TYW1B: variants seen among roughly 807,000 people sequenced by gnomAD.
TYW1B encodes the protein S-adenosyl-L-methionine-dependent tRNA 4-demethylwyosine synthase TYW1B.
TYW1B carries 73 observed loss-of-function variants against 86.9 expected under a neutral mutation model. That is an observed-to-expected ratio of 0.84 (90% confidence interval 0.70 to 1.02). The LOEUF is 1.02. Ranked by LOEUF, TYW1B falls within the 50% of genes least tolerant of loss-of-function variation. The pLI, the probability that TYW1B is intolerant of heterozygous loss-of-function variation, is 0.00. For synonymous variants in TYW1B, 248 were observed against 292.8 expected, an observed-to-expected ratio of 0.85 and a Z score of 1.56; for missense variants, 637 against 827.4, an observed-to-expected ratio of 0.77 and a Z score of 2.82.
At chr7:72,695,258 G>T (rs1814288351) in intron 10 of TYW1B, among the ~76,000 whole-genome samples, 1 of 152,032 alleles carries the variant, frequency 6.6e-6, no homozygotes, top group Admixed American at 6.6e-5. Context: ...GTCTTCTAAG[G>T]AACAAGAAAC....
At chr7:72,693,274 C>A (rs530872428) in intron 11 of TYW1B, among the ~76,000 whole-genome samples, 1 of 152,066 alleles carries the variant, frequency 6.6e-6, no homozygotes, top group Non-Finnish European at 1.5e-5. Context: ...TATGAAAACA[C>A]ACAAGAAAGG....
chr7:72,714,581 C>T (rs868988879), intron 9 of TYW1B, among the ~76,000 whole-genome samples: 2 of 151,820 alleles, frequency 1.3e-5, no homozygotes, highest in Non-Finnish European at 2.9e-5. Context: ...CACTATCATG[C>T]CACTGCACTC....
At chr7:72,678,287 G>A (rs1813783290) in intron 11 of TYW1B, among the ~76,000 whole-genome samples, 1 of 152,144 alleles carries the variant, frequency 6.6e-6, no homozygotes, top group Non-Finnish European at 1.5e-5. Flanking sequence ...GTGCTGCTGA[G>A]GAGGGATATT....
At chr7:72,705,368 G>A (rs1173714292) in intron 10 of TYW1B, among the ~76,000 whole-genome samples, 1 of 152,200 alleles carries the variant, frequency 6.6e-6, no homozygotes, top group Admixed American at 6.6e-5. Context: ...AAGCAGCAGA[G>A]GAAAGAGAAT....
chr7:72,665,160 C>T (rs187865192), intron 11 of TYW1B, among the ~76,000 whole-genome samples: 12 of 147,886 alleles, frequency 8.1e-5, no homozygotes, highest in Admixed American at 4.7e-4. Context: ...TTCTGTCTAA[C>T]AAGATGTAAA....
chr7:72,576,993 G>A (rs765941484), intron 13 of TYW1B, among the ~76,000 whole-genome samples: 2 of 152,014 alleles, frequency 1.3e-5, no homozygotes, highest in African/African-American at 4.8e-5. Flanking sequence ...CAGGCGTGGT[G>A]GTGTGTGCAT....
At chr7:72,735,866 T>TAA (rs35564711) in intron 8 of TYW1B, among the ~76,000 whole-genome samples, 133 of 144,178 alleles carry the variant, frequency 9.2e-4, no homozygotes, top group Middle Eastern at 7.2e-3. Context: ...CGAGACTGTC[T>TAA]AAAAAAAAAA....
intron 12 of TYW1B, among the ~76,000 whole-genome samples, chr7:72,623,707 T>C (rs1812279136): frequency 6.6e-6 from 1 of 152,224 alleles, no homozygotes; most frequent in Admixed American, 6.5e-5. Flanking sequence ...TTCTAAGTGT[T>C]AATCCTTAGA....
chr7:72,748,432 A>G (rs1787433801), intron 7 of TYW1B, among the ~76,000 whole-genome samples: 1 of 151,424 alleles, frequency 6.6e-6, no homozygotes. Context: ...TGCCTTTGCA[A>G]CCTGTATGCA....
At chr7:72,582,989 G>A (rs576096550) in intron 13 of TYW1B, among the ~76,000 whole-genome samples, 88 of 152,294 alleles carry the variant, frequency 5.8e-4, no homozygotes, top group South Asian at 1.0e-3. Context: ...TGTATGTTAG[G>A]AGGGTGGGGG....
intron 2 of TYW1B, among the ~76,000 whole-genome samples, chr7:72,819,583 C>A (rs1788790555): frequency 6.6e-6 from 1 of 152,134 alleles, no homozygotes; most frequent in South Asian, 2.1e-4. Context: ...CAGGCACACG[C>A]CACCATGCCT....
chr7:72,673,090 C>T (rs1183423528), intron 11 of TYW1B, among the ~76,000 whole-genome samples: 9 of 152,160 alleles, frequency 5.9e-5, no homozygotes, highest in Admixed American at 2.0e-4. Context: ...ATTGCTTGAA[C>T]CCAGGAGGTG....
chr7:72,802,724 G>C (rs1468730193), intron 5 of TYW1B, among the ~76,000 whole-genome samples: 1 of 151,846 alleles, frequency 6.6e-6, no homozygotes. Flanking sequence ...AGGTTCAAGC[G>C]ATTCTCCTGC....
At chr7:72,607,425 GAAGA>G (rs1286895184) in intron 13 of TYW1B, among the ~76,000 whole-genome samples, 1 of 141,982 alleles carries the variant, frequency 7.0e-6, no homozygotes, top group Non-Finnish European at 1.5e-5. Context: ...GAAGAAGAAA[GAAGA>G]AAGAGGAGGA....
chr7:72,651,526 A>G (rs1435524566), intron 11 of TYW1B, among the ~76,000 whole-genome samples: 3 of 152,156 alleles, frequency 2.0e-5, no homozygotes, highest in Admixed American at 2.0e-4. Context: ...GAGGCAGGAG[A>G]ATTGCTTGAA....
chr7:72,671,481 T>G (rs1335558212), intron 11 of TYW1B, among the ~76,000 whole-genome samples: 3 of 152,218 alleles, frequency 2.0e-5, no homozygotes, highest in Admixed American at 6.5e-5. Context: ...TGTCTCAGGG[T>G]AAATTACTAG....
At chr7:72,807,535 G>A (rs1237206702) in intron 4 of TYW1B, among the ~76,000 whole-genome samples, 179 bp from the exon 5 acceptor site, 2 of 151,864 alleles carry the variant, frequency 1.3e-5, no homozygotes, top group Non-Finnish European at 2.9e-5. Flanking sequence ...CCCAGAAGAG[G>A]GTCATTTTAT....
intron 4 of TYW1B, among the ~76,000 whole-genome samples, chr7:72,808,624 T>G (rs1554477310): frequency 6.7e-6 from 1 of 149,432 alleles, no homozygotes. Context: ...ACCTCCCGGG[T>G]TCAAGTGATT....
At chr7:72,585,953 A>C (rs1448382328) in intron 13 of TYW1B, among the ~76,000 whole-genome samples, 3 of 152,162 alleles carry the variant, frequency 2.0e-5, no homozygotes, top group African/African-American at 7.2e-5. Context: ...CCCATATTGC[A>C]GTTAAGAATG....
Sources: allele counts gnomAD v4.1 joint callset (sites outside exome capture counted in the v4.1 genomes callset), GRCh38; gene constraint gnomAD v4.1.1; transcripts MANE v1.5; gene names NCBI Gene and HGNC (gene_info 2026-07-23, HGNC 2026-07-21).